The following EHBP1 variants were observed in gnomAD, a reference collection of about 807,000 sequenced individuals.
EHBP1 encodes the protein EH domain-binding protein 1.
In EHBP1, 55 loss-of-function variants were observed where a neutral mutation model predicts 144.0. The ratio of observed to expected loss-of-function variants is 0.38; its 90% CI spans 0.31 to 0.48. The LOEUF (loss-of-function observed/expected upper bound fraction) is 0.48, where lower values mean the gene tolerates loss of function less well. Among genes scored for constraint, EHBP1 ranks in the 20% least tolerant of loss-of-function variants. EHBP1 has a pLI of 0.98. For missense variants in EHBP1, 1,200 were observed against 1,364.2 expected, an observed-to-expected ratio of 0.88 and a Z score of 1.90; for synonymous variants, 469 against 472.7, an observed-to-expected ratio of 0.99 and a Z score of 0.10.
At chr2:63,044,129 T>C (rs1168996422) in intron 21 of EHBP1, 1 of 148,856 alleles carries the variant, frequency 6.7e-6, no homozygotes, top group Non-Finnish European at 1.5e-5. Context: ...CAGAGAGCAG[T>C]TGGCTTTGGT....
intron 10 of EHBP1, among the ~76,000 whole-genome samples, chr2:62,884,854 T>G (rs2051788916): frequency 6.6e-6 from 1 of 152,194 alleles, no homozygotes; most frequent in African/African-American, 2.4e-5. Flanking sequence ...TCTTACTACA[T>G]TTAGTATACG....
At chr2:62,996,547 G>T in intron 18 of EHBP1, 96 bp from the exon 19 acceptor site, 1 of 1,485,630 alleles carries the variant, frequency 6.7e-7, no homozygotes, top group Non-Finnish European at 9.2e-7. Context: ...CGGTGTATTT[G>T]GTTCTCTAGG....
intron 4 of EHBP1, among the ~76,000 whole-genome samples, chr2:62,764,878 T>A (rs936349700): frequency 3.9e-5 from 6 of 152,104 alleles, no homozygotes; most frequent in African/African-American, 1.4e-4. Flanking sequence ...GAGGAGGTGC[T>A]TTTTAAGAAA....
chr2:62,944,326 T>G (rs911776099), intron 12 of EHBP1, among the ~76,000 whole-genome samples: 2 of 152,212 alleles, frequency 1.3e-5, no homozygotes, highest in African/African-American at 4.8e-5. Flanking sequence ...CAAAACAACA[T>G]TTTGGTCAAA....
chr2:63,003,424 A>T (rs2059922408), intron 19 of EHBP1, among the ~76,000 whole-genome samples: 1 of 152,094 alleles, frequency 6.6e-6, no homozygotes, highest in Non-Finnish European at 1.5e-5. Flanking sequence ...AGCCGTTCAC[A>T]GCGCATTAAA....
At chr2:62,970,091 C>CT (rs199945341) in intron 14 of EHBP1, among the ~76,000 whole-genome samples, 259 of 131,890 alleles carry the variant, frequency 2.0e-3, no homozygotes, top group South Asian at 3.6e-3. Flanking sequence ...ACACAGAATT[C>CT]TTTTTTTTTT....
At chr2:62,719,220 C>T (rs2035974202) in intron 2 of EHBP1, among the ~76,000 whole-genome samples, 1 of 152,018 alleles carries the variant, frequency 6.6e-6, no homozygotes, top group Non-Finnish European at 1.5e-5. Flanking sequence ...CCTGCTTTGG[C>T]CTCCCAAAGT....
intron 9 of EHBP1, among the ~76,000 whole-genome samples, chr2:62,873,344 TATTAAA>T: frequency 6.6e-6 from 1 of 152,246 alleles, no homozygotes; most frequent in East Asian, 1.9e-4. Context: ...GAAATGTACT[TATTAAA>T]ATTAAAAATT....
intron 21 of EHBP1, among the ~76,000 whole-genome samples, chr2:63,041,982 T>C (rs966363373): frequency 6.6e-6 from 1 of 152,162 alleles, no homozygotes. Context: ...TGGCCCTATA[T>C]ATAAAAAAGA....
At chr2:62,733,037 A>G (rs2037766564) in intron 2 of EHBP1, among the ~76,000 whole-genome samples, 1 of 152,178 alleles carries the variant, frequency 6.6e-6, no homozygotes, top group Non-Finnish European at 1.5e-5. Flanking sequence ...TTAGCATATC[A>G]ATCATAGTTG....
upstream of EHBP1, among the ~76,000 whole-genome samples, chr2:62,700,950 T>C (rs2034263149): frequency 6.6e-6 from 1 of 152,212 alleles, no homozygotes; most frequent in Non-Finnish European, 1.5e-5. Flanking sequence ...GAAAAATATT[T>C]CTATTAGCTC....
chr2:62,835,150 T>C (rs2047113533), intron 7 of EHBP1, among the ~76,000 whole-genome samples: 1 of 152,202 alleles, frequency 6.6e-6, no homozygotes, highest in African/African-American at 2.4e-5. Context: ...TGTCACTTGA[T>C]TTTTAACCTA....
At chr2:63,020,323 CAA>C (rs1001418542) in intron 19 of EHBP1, among the ~76,000 whole-genome samples, 40 of 45,256 alleles carry the variant, frequency 8.8e-4, no homozygotes, top group African/African-American at 2.5e-3. Flanking sequence ...GACTCTGTCT[CAA>C]AAAAAAAAAA....
chr2:63,024,755 AATCCCAG>A, intron 19 of EHBP1, among the ~76,000 whole-genome samples: 1 of 152,186 alleles, frequency 6.6e-6, no homozygotes, highest in Non-Finnish European at 1.5e-5. Flanking sequence ...TCACACCTGT[AATCCCAG>A]TGCTTTGGAA....
chr2:62,809,311 A>AC (rs2044775495), intron 5 of EHBP1, among the ~76,000 whole-genome samples: 1 of 150,880 alleles, frequency 6.6e-6, no homozygotes, highest in African/African-American at 2.4e-5. Context: ...AAAAAAAAAA[A>AC]AAAACAAGAA....
chr2:62,828,908 A>G (rs1337883653), intron 6 of EHBP1, among the ~76,000 whole-genome samples: 1 of 152,108 alleles, frequency 6.6e-6, no homozygotes, highest in Non-Finnish European at 1.5e-5. Context: ...AGGTGGGACA[A>G]TCACTTGAGA....
chr2:62,734,847 G>T (rs543541555), intron 2 of EHBP1, among the ~76,000 whole-genome samples: 7 of 152,266 alleles, frequency 4.6e-5, no homozygotes, highest in African/African-American at 1.7e-4. Context: ...TCCCACCTTG[G>T]CTTCCAAAAG....
chr2:62,884,645 A>G (rs1323515496), intron 10 of EHBP1, among the ~76,000 whole-genome samples: 2 of 152,238 alleles, frequency 1.3e-5, no homozygotes, highest in Non-Finnish European at 2.9e-5. Flanking sequence ...CTACACAATT[A>G]TGTGTGAGAT....
chr2:62,809,881 A>G (rs893131632), intron 5 of EHBP1, among the ~76,000 whole-genome samples: 2 of 152,220 alleles, frequency 1.3e-5, no homozygotes, highest in Non-Finnish European at 2.9e-5. Context: ...TACAAAACTC[A>G]GAAATACCAA....
Sources: allele counts gnomAD v4.1 joint callset (sites outside exome capture counted in the v4.1 genomes callset), GRCh38; gene constraint gnomAD v4.1.1; transcripts MANE v1.5; gene names NCBI Gene and HGNC (gene_info 2026-07-23, HGNC 2026-07-21).